The following RGS7 variants were observed in gnomAD, a reference collection of about 807,000 sequenced individuals.
RGS7 encodes regulator of G protein signaling 7, also known as regulator of G-protein signaling 7.
Under a neutral mutation model 81.1 loss-of-function variants are expected in RGS7, and 27 were observed. That is an observed-to-expected ratio of 0.33 (90% CI 0.25 to 0.46). The LOEUF (loss-of-function observed/expected upper bound fraction) is 0.46, where lower values mean the gene tolerates loss of function less well. RGS7 is among the 20% of genes least tolerant of loss of function. The probability of loss-of-function intolerance (pLI) is 1.00; values close to 1 mark genes in which losing one functional copy is unlikely to be tolerated. For missense variants in RGS7, 396 were observed against 607.4 expected (o/e 0.65, Z 3.66); for synonymous variants, 208 against 207.7 (o/e 1.00, Z -0.01).
chr1:240,809,942 G>A (rs1417961948), intron 14 of RGS7, among the ~76,000 whole-genome samples: 1 of 152,092 alleles, frequency 6.6e-6, no homozygotes, highest in African/African-American at 2.4e-5. Context: ...CTAGAGTCTA[G>A]TACGGCATAG....
At chr1:241,149,538 C>G (rs2068597324) in intron 2 of RGS7, among the ~76,000 whole-genome samples, 1 of 152,116 alleles carries the variant, frequency 6.6e-6, no homozygotes, top group Non-Finnish European at 1.5e-5. Context: ...GGTACACTGG[C>G]ATGGTCCTGC....
chr1:240,916,692 C>T (rs917437441), intron 6 of RGS7, among the ~76,000 whole-genome samples: 3 of 152,160 alleles, frequency 2.0e-5, no homozygotes, highest in Admixed American at 1.3e-4. Context: ...TGTGAGGACA[C>T]GGGAAGGTGG....
intron 3 of RGS7, among the ~76,000 whole-genome samples, chr1:241,062,753 C>T (rs189180376): frequency 9.2e-5 from 14 of 152,280 alleles, no homozygotes; most frequent in Admixed American, 3.9e-4. Flanking sequence ...CTGTGAGATG[C>T]CTAAAAATGG....
chr1:241,311,565 G>A (rs1365478121), intron 2 of RGS7, among the ~76,000 whole-genome samples: 2 of 152,166 alleles, frequency 1.3e-5, no homozygotes, highest in African/African-American at 2.4e-5. Context: ...AGTAGGAGGT[G>A]TTATGCTCAT....
At chr1:241,137,441 G>A (rs1426711718) in intron 2 of RGS7, among the ~76,000 whole-genome samples, 1 of 152,062 alleles carries the variant, frequency 6.6e-6, no homozygotes, top group East Asian at 1.9e-4. Flanking sequence ...TCCTTTTATT[G>A]TTGTTTTAGG....
At position 241,164,618 on chromosome 1, in the gene RGS7, G is replaced by GACA. The variant is rs2070033012; in HGVS notation, c.79-65857_79-65856insTGT. Among the ~76,000 whole-genome samples, 3 of 152,296 alleles carry GACA rather than the reference G, an allele frequency of 2.0e-5. No homozygotes were observed. The highest frequency in any genetic ancestry group is 2.9e-5 in the Non-Finnish European group (2 of 68,030). ...CAAACTAGATAGGCCAGGTCTGGCAGACTGTTGCTAGCTTTACCTCATCTT... is the reference window on the plus strand; with the variant it reads ...CAAACTAGATAGGCCAGGTCTGGCAGACAACTGTTGCTAGCTTTACCTCATCTT... On this transcript the variant is annotated intron_variant, in intron 2 of 18. Coordinates refer to ENST00000440928, the MANE Select transcript of RGS7 (RefSeq NM_001364886.1). This position sits in a 1 kb window ranked among gnomAD's most constrained non-coding sequence, Gnocchi z 4.1.
intron 4 of RGS7, among the ~76,000 whole-genome samples, chr1:240,943,355 T>G (rs762789078): frequency 6.6e-6 from 1 of 152,118 alleles, no homozygotes; most frequent in African/African-American, 2.4e-5. Context: ...CTGTAAGAAG[T>G]TGACAAAATA....
At chr1:241,044,637 G>C (rs541205911) in intron 3 of RGS7, among the ~76,000 whole-genome samples, 22 of 151,250 alleles carry the variant, frequency 1.5e-4, no homozygotes, top group African/African-American at 5.1e-4. Context: ...TCGCTATATT[G>C]CTAAGGTTGA....
intron 2 of RGS7, among the ~76,000 whole-genome samples, chr1:241,259,860 T>C (rs1347520820): frequency 6.6e-6 from 1 of 151,692 alleles, no homozygotes; most frequent in Non-Finnish European, 1.5e-5. Context: ...TGGCACAGTT[T>C]AAAATTATAA....
At chr1:240,850,839 C>T (rs1190841524) in intron 9 of RGS7, among the ~76,000 whole-genome samples, 1 of 152,168 alleles carries the variant, frequency 6.6e-6, no homozygotes, top group East Asian at 1.9e-4. Flanking sequence ...GCAGCCAAAA[C>T]ATTCCCTTAA....
At chr1:241,255,680 G>C (rs1032078370) in intron 2 of RGS7, among the ~76,000 whole-genome samples, 1 of 152,180 alleles carries the variant, frequency 6.6e-6, no homozygotes, top group South Asian at 2.1e-4. Context: ...GATAAATGTG[G>C]AGAGAATTCT....
At chr1:241,319,408 A>C (rs1314829023) in intron 2 of RGS7, among the ~76,000 whole-genome samples, 4 of 152,206 alleles carry the variant, frequency 2.6e-5, no homozygotes, top group African/African-American at 9.7e-5. Flanking sequence ...ACCCTAAGAA[A>C]ATGCAACAAA....
In RGS7 at chr1:241,275,527, C is replaced by T. The variant is rs74332061; in HGVS notation, c.78+80172G>A. Reference sequence around the variant, plus strand: ...CTTTAGAATCCTCTATGGTAGGAAACGTTGGTGACCCTTGAGGCCGTCCTT... The same window carrying T: ...CTTTAGAATCCTCTATGGTAGGAAATGTTGGTGACCCTTGAGGCCGTCCTT... On this transcript the variant is annotated intron_variant, in intron 2 of 18. Coordinates refer to ENST00000440928, the MANE Select transcript of RGS7 (RefSeq NM_001364886.1). 4.8e-3 allele frequency among the ~76,000 whole-genome samples: 732 copies of T among 152,212 alleles called. 4 individuals are homozygous for T. Among genetic ancestry groups the T allele is most frequent in the African/African-American group, 0.016 (677 of 41,554 alleles).
chr1:241,006,298 C>T (rs2058686082), intron 3 of RGS7, among the ~76,000 whole-genome samples: 1 of 152,206 alleles, frequency 6.6e-6, no homozygotes, highest in Non-Finnish European at 1.5e-5. Flanking sequence ...GCTCCTTTCT[C>T]CTGTTTTCTG....
At chr1:241,307,649 T>C (rs1464196559) in intron 2 of RGS7, among the ~76,000 whole-genome samples, 1 of 152,232 alleles carries the variant, frequency 6.6e-6, no homozygotes, top group East Asian at 1.9e-4. Flanking sequence ...ATAGGCCCTA[T>C]TTATAAATCA....
At chr1:241,053,169 T>C (rs1157884349) in intron 3 of RGS7, among the ~76,000 whole-genome samples, 1 of 152,228 alleles carries the variant, frequency 6.6e-6, no homozygotes, top group Non-Finnish European at 1.5e-5. Flanking sequence ...AACTTTGCAA[T>C]CAAAAAAGCC....
At chr1:241,093,630 AAT>A (rs1036316943) in intron 3 of RGS7, among the ~76,000 whole-genome samples, 3 of 152,148 alleles carry the variant, frequency 2.0e-5, no homozygotes, top group African/African-American at 7.2e-5. Flanking sequence ...TAGGGGAAAA[AAT>A]AAATAAAATA....
At chr1:240,967,714 A>G (rs371366517) in intron 4 of RGS7, among the ~76,000 whole-genome samples, 4 of 152,192 alleles carry the variant, frequency 2.6e-5, no homozygotes, top group South Asian at 2.1e-4. Flanking sequence ...GCTCGTTCCA[A>G]TGATAAAGCC....
intron 2 of RGS7, among the ~76,000 whole-genome samples, chr1:241,252,319 C>T (rs1241350213): frequency 3.3e-5 from 5 of 152,158 alleles, no homozygotes; most frequent in Admixed American, 6.5e-5. Context: ...GTTGGGATTA[C>T]AGGCGTGAGC....
Sources: gnomAD v4.1 joint callset for allele counts (sites outside exome capture counted in the v4.1 genomes callset) on GRCh38, gnomAD v4.1.1 for gene constraint, Gnocchi (gnomAD v3.1) non-coding constraint, MANE v1.5 for transcripts, NCBI Gene and HGNC (gene_info 2026-07-23, HGNC 2026-07-21) for gene names.